PPP3R2: variants seen among roughly 807,000 people sequenced by gnomAD.
The protein encoded by PPP3R2 is calcineurin subunit B type 2.
For missense variants in PPP3R2, 225 were observed against 217.4 expected (o/e 1.03, Z -0.22); for synonymous variants, 91 against 91.5 (o/e 0.99, Z 0.03).
At position 101,591,635 on chromosome 9, in the gene PPP3R2, A is replaced by G. The variant is rs1011976038; in HGVS notation, c.*2774T>C. The G allele has an allele frequency of 1.3e-5, 2 of 152,248 alleles. No individual in the cohort carries two copies. Among genetic ancestry groups the G allele is most frequent in the Non-Finnish European group, 1.5e-5 (1 of 68,044 alleles). 9.4% of individuals were successfully genotyped at this position (152,248 alleles called of 1,614,324 possible). A position where few individuals can be genotyped will look rare whatever the true frequency, so the allele number is the denominator to read the frequency against. Reference sequence around the variant, plus strand: ...GACAATTGCTCAATAAATGTTTATTATCATCATCCCAAGAAACTGTATAGA... The same window carrying G: ...GACAATTGCTCAATAAATGTTTATTGTCATCATCCCAAGAAACTGTATAGA... On this transcript the variant is annotated 3_prime_UTR_variant, in exon 1 of 1. Transcript: ENST00000374806.
rs1365973828 is a variant in PPP3R2, at chr9:101,594,705, TG to T, written c.216del (p.Phe72LeufsTer21). 8.7e-6 allele frequency: 14 copies of T among 1,614,086 alleles called. No homozygotes were observed. The highest frequency in any genetic ancestry group is 1.2e-5 in the Non-Finnish European group (14 of 1,180,048). The stretch of plus-strand genomic sequence containing the variant: ...TGGGAGGTCCCCAGGATGAATTCCT[TG>T]AAGTCCACTTCTCCATCACCGTCGG... ...FDTDGDGEVD[F>X]KEFILGTSQF... On this transcript the variant is annotated frameshift_variant, in exon 1 of 1. Coordinates refer to ENST00000374806, the MANE Select transcript of PPP3R2 (RefSeq NM_147180.4). LOFTEE classifies it low-confidence loss of function (END_TRUNC).
rs1828061556 is a variant in PPP3R2 at position 101,593,456 on chromosome 9, G to C, written c.*953C>G. Reference sequence around the variant, plus strand: ...CACAATTGTCAGTCTCTGCATCTGTGAGCAACAGACATAATGCCACTTTGG... The same window carrying C: ...CACAATTGTCAGTCTCTGCATCTGTCAGCAACAGACATAATGCCACTTTGG... On this transcript the variant is annotated 3_prime_UTR_variant, in exon 1 of 1. Coordinates refer to ENST00000374806, the MANE Select transcript of PPP3R2 (RefSeq NM_147180.4). The C allele has an allele frequency of 6.6e-6, 1 of 152,264 alleles. No homozygotes were observed. Among genetic ancestry groups the C allele is most frequent in the Admixed American group, 6.5e-5 (1 of 15,284 alleles). 9.4% of individuals were successfully genotyped at this position (152,264 alleles called of 1,614,324 possible).
Position 101,591,825 on chromosome 9 carries a change from C to G in PPP3R2, c.*2584G>C, listed in dbSNP as rs1056532840. 3.3e-5 allele frequency: 5 copies of G among 152,208 alleles called. No homozygotes were observed. Among genetic ancestry groups the G allele is most frequent in the Non-Finnish European group, 7.3e-5 (5 of 68,030 alleles). 9.4% of individuals were successfully genotyped at this position (152,208 alleles called of 1,614,324 possible). A position where few individuals can be genotyped will look rare whatever the true frequency, so the allele number is the denominator to read the frequency against. On this transcript the variant is annotated 3_prime_UTR_variant, in exon 1 of 1. Transcript: ENST00000374806. ...GTCATTGCCACAAAGCCTTAGGTAA[C>G]TATCTTGAGTAGATTTATTGAACAA...
rs774049465 is a variant in PPP3R2 at position 101,594,607 on chromosome 9, G to T, written c.315C>A (p.Gly105=). Residue 105 remains glycine (G), a synonymous_variant, in exon 1 of 1, where the codon GGC becomes GGA. Coordinates refer to ENST00000374806, the MANE Select transcript of PPP3R2 (RefSeq NM_147180.4). ...AFSIYDMDKD[G]YISNGELFQV... Reference sequence around the variant, plus strand: ...GGAAGAGCTCCCCGTTGGAAATGTAGCCATCTTTATCCATGTCGTAAATGC... The same window carrying T: ...GGAAGAGCTCCCCGTTGGAAATGTATCCATCTTTATCCATGTCGTAAATGC... 2 of 1,614,196 alleles carry T rather than the reference G, an allele frequency of 1.2e-6. No individual in the cohort carries two copies. Among genetic ancestry groups the T allele is most frequent in the Non-Finnish European group, 1.7e-6 (2 of 1,180,042 alleles).
Position 101,593,407 on chromosome 9 carries a change from T to C in PPP3R2, c.*1002A>G, listed in dbSNP as rs949675604. On this transcript the variant is annotated 3_prime_UTR_variant, in exon 1 of 1. Coordinates refer to ENST00000374806, the MANE Select transcript of PPP3R2 (RefSeq NM_147180.4). ...TCAAAATCAGCATAGCTGGTGTAGCTAGCATCCACCTCTGCTGTGGAGACA... is the reference window on the plus strand; with the variant it reads ...TCAAAATCAGCATAGCTGGTGTAGCCAGCATCCACCTCTGCTGTGGAGACA... The C allele has an allele frequency of 3.7e-4, 57 of 152,212 alleles. No homozygotes were observed. Among genetic ancestry groups the C allele is most frequent in the Admixed American group, 3.3e-3 (51 of 15,284 alleles). 9.4% of individuals were successfully genotyped at this position (152,212 alleles called of 1,614,324 possible).
Position 101,594,241 on chromosome 9 carries a change from G to C in PPP3R2, c.*168C>G, listed in dbSNP as rs3739725. On this transcript the variant is annotated 3_prime_UTR_variant, in exon 1 of 1. Transcript: ENST00000374806. ...GGGTACCCTGAGTCATTCAGAGAAGGAGAATTAATAGCACTGAGTTGGTGA... is the reference window on the plus strand; with the variant it reads ...GGGTACCCTGAGTCATTCAGAGAAGCAGAATTAATAGCACTGAGTTGGTGA... 3.1e-5 allele frequency: 26 copies of C among 829,286 alleles called. No homozygotes were observed. The East Asian group carries it at 6.8e-4, about 22-fold the overall frequency. 51.4% of individuals were successfully genotyped at this position (829,286 alleles called of 1,614,324 possible).
chr9:101,594,325 G>T lies in PPP3R2; in HGVS notation c.*84C>A. 5 of 1,485,696 alleles carry T rather than the reference G, an allele frequency of 3.4e-6. No homozygotes were observed. Among genetic ancestry groups the T allele is most frequent in the Non-Finnish European group, 4.5e-6 (5 of 1,104,940 alleles). 92.0% of individuals were successfully genotyped at this position (1,485,696 alleles called of 1,614,324 possible). On this transcript the variant is annotated 3_prime_UTR_variant, in exon 1 of 1. Coordinates refer to ENST00000374806, the MANE Select transcript of PPP3R2 (RefSeq NM_147180.4). ...AAGAAATACTTCCAGATAAGTCAGAGAGACAGTTGGACGTCTTGAGCAAAT... is the reference window on the plus strand; with the variant it reads ...AAGAAATACTTCCAGATAAGTCAGATAGACAGTTGGACGTCTTGAGCAAAT...
chr9:101,592,850 G>GA lies in PPP3R2; in HGVS notation c.*1558dup, dbSNP rs1270492969. The stretch of plus-strand genomic sequence containing the variant: ...CCTTGAAACAGATCTTCCATGTCCT[G>GA]AAAAAAGTTACCTGAGTGGTATCTC... On this transcript the variant is annotated 3_prime_UTR_variant, in exon 1 of 1. Coordinates refer to ENST00000374806, the MANE Select transcript of PPP3R2 (RefSeq NM_147180.4). The GA allele has an allele frequency of 6.6e-6, 1 of 151,418 alleles. No individual in the cohort carries two copies. The highest frequency in any genetic ancestry group is 1.5e-5 in the Non-Finnish European group (1 of 67,958). 9.4% of individuals were successfully genotyped at this position (151,418 alleles called of 1,614,324 possible).
rs1828095090 is a variant in PPP3R2 at position 101,594,877 on chromosome 9, A to G, written c.45T>C (p.Phe15=). Residue 15 remains phenylalanine (F), a synonymous_variant, in exon 1 of 1, where the codon TTT becomes TTC. Transcript: ENST00000374806. Reference sequence around the variant, plus strand: ...CCAGCCTTTTAATTTCATCATTGTCAAAGTGGGAGCACATCTCCGCCGGGT... The same window carrying G: ...CCAGCCTTTTAATTTCATCATTGTCGAAGTGGGAGCACATCTCCGCCGGGT... ...ASYPAEMCSH[F]DNDEIKRLGR... 3 of 1,601,840 alleles carry G rather than the reference A, an allele frequency of 1.9e-6. No homozygotes were observed. Among genetic ancestry groups the G allele is most frequent in the Non-Finnish European group, 2.5e-6 (3 of 1,179,968 alleles).
chr9:101,594,302 G>T lies in PPP3R2; in HGVS notation c.*107C>A. Reference sequence around the variant, plus strand: ...GTTAGGACATATGGCTTCACAAAAAGAAATACTTCCAGATAAGTCAGAGAG... The same window carrying T: ...GTTAGGACATATGGCTTCACAAAAATAAATACTTCCAGATAAGTCAGAGAG... On this transcript the variant is annotated 3_prime_UTR_variant, in exon 1 of 1. Transcript: ENST00000374806. The T allele has an allele frequency of 7.1e-7, 1 of 1,405,516 alleles. No homozygotes were observed. The highest frequency in any genetic ancestry group is 9.6e-7 in the Non-Finnish European group (1 of 1,039,862). The allele number at this position is 1,405,516 out of a possible 1,614,324, so 87.1% of individuals were successfully genotyped here.
chr9:101,592,398 T>A lies in PPP3R2; in HGVS notation c.*2011A>T, dbSNP rs1243722451. On this transcript the variant is annotated 3_prime_UTR_variant, in exon 1 of 1. Coordinates refer to ENST00000374806, the MANE Select transcript of PPP3R2 (RefSeq NM_147180.4). ...AATGAAAGTGGAATTGTGCTCCAGG[T>A]GTGTTGCATGCCTTTTTGAATCCTC... is the stretch of plus-strand genomic sequence containing the variant. The A allele has an allele frequency of 6.6e-6, 1 of 152,218 alleles. No homozygotes were observed. The highest frequency in any genetic ancestry group is 1.5e-5 in the Non-Finnish European group (1 of 68,052). The allele number at this position is 152,218 out of a possible 1,614,324, so 9.4% of individuals were successfully genotyped here. A position where few individuals can be genotyped will look rare whatever the true frequency, so the allele number is the denominator to read the frequency against.
In PPP3R2 at chr9:101,593,714, C is replaced by G. The variant is rs1828065461; in HGVS notation, c.*695G>C. Reference sequence around the variant, plus strand: ...ACTGCTAATGAGGATGATGGCTGAGCTGGGCACTTAGTCCAGGCTTAGCAT... The same window carrying G: ...ACTGCTAATGAGGATGATGGCTGAGGTGGGCACTTAGTCCAGGCTTAGCAT... On this transcript the variant is annotated 3_prime_UTR_variant, in exon 1 of 1. Transcript: ENST00000374806. The G allele has an allele frequency of 6.6e-6, 1 of 152,204 alleles. No homozygotes were observed. The allele number at this position is 152,204 out of a possible 1,614,324, so 9.4% of individuals were successfully genotyped here.
At position 101,594,689 on chromosome 9, in the gene PPP3R2, C is replaced by A. The variant is rs144342934; in HGVS notation, c.233G>T (p.Gly78Val). 36 of 1,614,062 alleles carry A rather than the reference C, an allele frequency of 2.2e-5. No homozygotes were observed. Among genetic ancestry groups the A allele is most frequent in the Non-Finnish European group, 2.8e-5 (33 of 1,180,056 alleles). Residue 78 changes from glycine (G) to valine (V), a missense_variant, in exon 1 of 1, where the codon GGG (glycine) becomes GTG (valine). Transcript: ENST00000374806. ...GCCCTTGACGCTGAACTGGGAGGTC[C>A]CCAGGATGAATTCCTTGAAGTCCAC... ...GEVDFKEFILGTSQFSVKGDE... is the reference protein window; with the variant it reads ...GEVDFKEFILVTSQFSVKGDE...
Position 101,593,547 on chromosome 9 carries a change from T to C in PPP3R2, c.*862A>G, listed in dbSNP as rs974069337. The C allele has an allele frequency of 6.6e-5, 10 of 152,200 alleles. No homozygotes were observed. Among genetic ancestry groups the C allele is most frequent in the African/African-American group, 2.4e-4 (10 of 41,452 alleles). The allele number at this position is 152,200 out of a possible 1,614,324, so 9.4% of individuals were successfully genotyped here. A position where few individuals can be genotyped will look rare whatever the true frequency, so the allele number is the denominator to read the frequency against. Reference sequence around the variant, plus strand: ...CTCCTCCGTAGGACAACTAACTAAATGTCTCATTGTCTCCACCTGGGGGTA... The same window carrying C: ...CTCCTCCGTAGGACAACTAACTAAACGTCTCATTGTCTCCACCTGGGGGTA... On this transcript the variant is annotated 3_prime_UTR_variant, in exon 1 of 1. Transcript: ENST00000374806.
chr9:101,594,288 T>TG lies in PPP3R2; in HGVS notation c.*120dup. On this transcript the variant is annotated 3_prime_UTR_variant, in exon 1 of 1. Coordinates refer to ENST00000374806, the MANE Select transcript of PPP3R2 (RefSeq NM_147180.4). ...GTGATGAAGCTCCTGTTAGGACATATGGCTTCACAAAAAGAAATACTTCCA... is the reference window on the plus strand; with the variant it reads ...GTGATGAAGCTCCTGTTAGGACATATGGGCTTCACAAAAAGAAATACTTCCA... The TG allele has an allele frequency of 7.8e-7, 1 of 1,288,132 alleles. No homozygotes were observed. The highest frequency in any genetic ancestry group is 1.1e-6 in the Non-Finnish European group (1 of 943,232). The allele number at this position is 1,288,132 out of a possible 1,614,324, so 79.8% of individuals were successfully genotyped here.
In PPP3R2 at chr9:101,593,522, C is replaced by T. The variant is rs756007519; in HGVS notation, c.*887G>A. ...CCACTGCAGCCTGACTCTACTGCCT[C>T]TCCTCCGTAGGACAACTAACTAAAT... On this transcript the variant is annotated 3_prime_UTR_variant, in exon 1 of 1. Transcript: ENST00000374806. The T allele has an allele frequency of 1.3e-5, 2 of 152,306 alleles. No homozygotes were observed. The highest frequency in any genetic ancestry group is 2.9e-5 in the Non-Finnish European group (2 of 68,088). The allele number at this position is 152,306 out of a possible 1,614,324, so 9.4% of individuals were successfully genotyped here.
Position 101,594,343 on chromosome 9 carries a change from G to A in PPP3R2, c.*66C>T. 6.6e-7 allele frequency: 1 copy of A among 1,521,602 alleles called. No homozygotes were observed. Among genetic ancestry groups the A allele is most frequent in the Non-Finnish European group, 8.8e-7 (1 of 1,133,706 alleles). The allele number at this position is 1,521,602 out of a possible 1,614,324, so 94.3% of individuals were successfully genotyped here. ...AGTCAGAGAGACAGTTGGACGTCTT[G>A]AGCAAATCTTGAAAGAGATAGGGAA... is the stretch of plus-strand genomic sequence containing the variant. On this transcript the variant is annotated 3_prime_UTR_variant, in exon 1 of 1. Coordinates refer to ENST00000374806, the MANE Select transcript of PPP3R2 (RefSeq NM_147180.4).
At position 101,594,522 on chromosome 9, in the gene PPP3R2, C is replaced by T. The variant is rs760377198; in HGVS notation, c.400G>A (p.Asp134Asn). ...TTGTCCAGGATGATGATGGTTTTGT[C>T]GACCAGCTGCTGGAGCTGCCAGTCC... ...LTDWQLQQLV[D>N]KTIIILDKDG... Residue 134 changes from aspartate to asparagine, a missense_variant, in exon 1 of 1, where the codon GAC becomes AAC. By Grantham distance (23) the Asp-to-Asn change is conservative. Transcript: ENST00000374806. 3 of 1,614,026 alleles carry T rather than the reference C, an allele frequency of 1.9e-6. No individual in the cohort carries two copies. The highest frequency in any genetic ancestry group is 3.3e-5 in the Admixed American group (2 of 60,004).
At position 101,594,248 on chromosome 9, in the gene PPP3R2, A is replaced by T; in HGVS notation, c.*161T>A. On this transcript the variant is annotated 3_prime_UTR_variant, in exon 1 of 1. Transcript: ENST00000374806. The stretch of plus-strand genomic sequence containing the variant: ...CTGAGTCATTCAGAGAAGGAGAATT[A>T]ATAGCACTGAGTTGGTGATGAAGCT... 1 of 871,370 alleles carries T rather than the reference A, an allele frequency of 1.1e-6. No individual in the cohort carries two copies. Among genetic ancestry groups the T allele is most frequent in the Non-Finnish European group, 1.7e-6 (1 of 584,006 alleles). 54.0% of individuals were successfully genotyped at this position (871,370 alleles called of 1,614,324 possible).
Sources: gnomAD v4.1 joint callset for allele counts on GRCh38, gnomAD v4.1.1 for gene constraint, MANE v1.5 for transcripts, NCBI Gene and HGNC (gene_info 2026-07-23, HGNC 2026-07-21) for gene names.